U2AF2: variants seen among roughly 807,000 people sequenced by gnomAD.
U2AF2 encodes the protein U2 small nuclear RNA auxiliary factor 2.
Under a neutral mutation model 52.6 loss-of-function variants are expected in U2AF2, and 6 were observed. That is an observed-to-expected ratio of 0.11 (90% CI 0.06 to 0.23). The LOEUF (loss-of-function observed/expected upper bound fraction) is 0.23. U2AF2 is among the 10% of genes least tolerant of loss of function. The pLI is 1.00. For missense variants in U2AF2, 222 were observed against 677.1 expected (o/e 0.33, Z 7.46); for synonymous variants, 284 against 258.2 (o/e 1.10, Z -0.96).
At chr19:55,665,814 AT>A (rs1984513690) in intron 7 of U2AF2, among the ~76,000 whole-genome samples, 1 of 152,038 alleles carries the variant, frequency 6.6e-6, no homozygotes, top group African/African-American at 2.4e-5. Flanking sequence ...ACACCTGCTA[AT>A]TTTTTGTGTT....
intron 1 of U2AF2, among the ~76,000 whole-genome samples, chr19:55,658,278 G>A (rs1271434265): frequency 6.6e-6 from 1 of 152,066 alleles, no homozygotes; most frequent in African/African-American, 2.4e-5. Flanking sequence ...AAATGGTGTG[G>A]CGGTGCTCAT....
chr19:55,670,795 G>C (rs1984868900), intron 11 of U2AF2: 2 of 175,036 alleles, frequency 1.1e-5, no homozygotes, highest in Non-Finnish European at 2.4e-5. Context: ...ACGCCTGGCA[G>C]ATGGAAATGA....
At chr19:55,667,157 GCGTCAT>G (rs1469037322) in intron 7 of U2AF2, among the ~76,000 whole-genome samples, 2 of 152,176 alleles carry the variant, frequency 1.3e-5, no homozygotes, top group Non-Finnish European at 1.5e-5. Flanking sequence ...TGTGGGGGCA[GCGTCAT>G]CATGGGCTGG....
At chr19:55,661,230 C>G in intron 5 of U2AF2, 41 bp downstream of exon 5, 1 of 1,492,612 alleles carries the variant, frequency 6.7e-7, no homozygotes, top group Non-Finnish European at 9.0e-7. Context: ...CCTTGTCCCT[C>G]TACCCCGTTC....
chr19:55,659,128 A>G, intron 1 of U2AF2, 82 bp from the exon 2 acceptor site: 1 of 1,413,090 alleles, frequency 7.1e-7, no homozygotes. Flanking sequence ...GGGGCTTGGG[A>G]CATAGCCACC....
intron 7 of U2AF2, chr19:55,663,956 G>A: frequency 3.1e-6 from 2 of 635,270 alleles, no homozygotes; most frequent in Non-Finnish European, 5.2e-6. Flanking sequence ...GCTGTCACCT[G>A]CTGAGGACAC....
Position 55,659,352 on chromosome 19 carries a change from G to C in U2AF2, c.185+7G>C, listed in dbSNP as rs866219065. The stretch of plus-strand genomic sequence containing the variant: ...GGGACAGGCGACGACGCAGGTACTA[G>C]GGCTCAGGGATCCCCTGGGCCAGCC... On this transcript the variant is annotated splice_region_variant and intron_variant, in intron 2 of 11. Transcript: ENST00000308924. The C allele has an allele frequency of 4.7e-6, 7 of 1,499,594 alleles. No individual in the cohort carries two copies. In the African/African-American group the frequency reaches 8.5e-5, roughly 18 times the overall value. The allele number at this position is 1,499,594 out of a possible 1,614,324, so 92.9% of individuals were successfully genotyped here. A position where few individuals can be genotyped will look rare whatever the true frequency, so the allele number is the denominator to read the frequency against.
intron 7 of U2AF2, among the ~76,000 whole-genome samples, chr19:55,667,064 C>T (rs1028746903): frequency 1.1e-4 from 17 of 152,190 alleles, no homozygotes; most frequent in African/African-American, 3.4e-4. Context: ...CTACTTGTCC[C>T]TGTAGCATAG....
At position 55,669,273 on chromosome 19, in the gene U2AF2, A is replaced by T. The variant is rs918065620; in HGVS notation, c.1044+92A>T. 7 of 1,558,274 alleles carry T rather than the reference A, an allele frequency of 4.5e-6. No individual in the cohort carries two copies. In the East Asian group the frequency reaches 1.6e-4, roughly 36 times the overall value. On this transcript the variant is annotated intron_variant, in intron 10 of 11. Transcript: ENST00000308924. ...GTTCCTGATCTTTCTCCCAGCTTTC[A>T]TGGGAAGGCATTTGGGGGGCATTCA...
In U2AF2 at chr19:55,669,197, T is replaced by G; in HGVS notation, c.1044+16T>G. 6.2e-7 allele frequency: 1 copy of G among 1,613,126 alleles called. No homozygotes were observed. The highest frequency in any genetic ancestry group is 8.5e-7 in the Non-Finnish European group (1 of 1,179,570). On this transcript the variant is annotated intron_variant, in intron 10 of 11. Coordinates refer to ENST00000308924, the MANE Select transcript of U2AF2 (RefSeq NM_007279.3). ...GAGCCCCCCGGCACGTCATCTTCCATTGGCTTGAGGGACCCTGGGGGTGGG... is the reference window on the plus strand; with the variant it reads ...GAGCCCCCCGGCACGTCATCTTCCAGTGGCTTGAGGGACCCTGGGGGTGGG...
chr19:55,659,412 G>A lies in U2AF2; in HGVS notation c.185+67G>A. 2.8e-6 allele frequency: 4 copies of A among 1,406,114 alleles called. No homozygotes were observed. The South Asian group carries it at 4.6e-5, about 16-fold the overall frequency. The allele number at this position is 1,406,114 out of a possible 1,614,324, so 87.1% of individuals were successfully genotyped here. ...GGGGGTCGGTGTTGGCCGGCCTGTG[G>A]GTGGCCTGTGTGTGTCTGTGTCTGG... On this transcript the variant is annotated intron_variant, in intron 2 of 11. Coordinates refer to ENST00000308924, the MANE Select transcript of U2AF2 (RefSeq NM_007279.3).
chr19:55,672,729 ATTT>A (rs74179629), intron 11 of U2AF2, among the ~76,000 whole-genome samples: 5 of 141,246 alleles, frequency 3.5e-5, no homozygotes, highest in African/African-American at 2.6e-5. Flanking sequence ...TATCTCAAGA[ATTT>A]TTTTTTTTTT....
Position 55,661,205 on chromosome 19 carries a change from G to C in U2AF2, c.486+16G>C. 6.4e-7 allele frequency: 1 copy of C among 1,567,744 alleles called. No homozygotes were observed. Among genetic ancestry groups the C allele is most frequent in the Non-Finnish European group, 8.7e-7 (1 of 1,154,760 alleles). ...CATCACTGAGGTACTGCCCTCCCCTGCCCCCTACCCTCTCCCTTGTCCCTC... is the reference window on the plus strand; with the variant it reads ...CATCACTGAGGTACTGCCCTCCCCTCCCCCCTACCCTCTCCCTTGTCCCTC... On this transcript the variant is annotated intron_variant, in intron 5 of 11. Transcript: ENST00000308924.
At chr19:55,660,978 AG>A in intron 4 of U2AF2, 59 bp from the exon 5 acceptor site, 1 of 1,521,892 alleles carries the variant, frequency 6.6e-7, no homozygotes, top group Non-Finnish European at 8.9e-7. Context: ...GTGTGTGGTG[AG>A]GGGTGGTCAC....
At chr19:55,662,688 T>C (rs1169051277) in intron 6 of U2AF2, 70 bp downstream of exon 6, 5 of 1,369,058 alleles carry the variant, frequency 3.7e-6, no homozygotes. Context: ...AGGCTGATGT[T>C]GTGTGGAGCT....
intron 5 of U2AF2, chr19:55,661,659 T>C (rs901674811): frequency 1.5e-4 from 23 of 155,850 alleles, no homozygotes; most frequent in Non-Finnish European, 2.9e-4. Flanking sequence ...TGATCGCCCC[T>C]GACCTCCCCC....
At chr19:55,667,657 C>T (rs928042541) in intron 7 of U2AF2, among the ~76,000 whole-genome samples, 9 of 152,198 alleles carry the variant, frequency 5.9e-5, no homozygotes, top group Non-Finnish European at 1.0e-4. Flanking sequence ...GCTAATGCTG[C>T]GGATGCTGTT....
intron 1 of U2AF2, among the ~76,000 whole-genome samples, chr19:55,655,393 GC>G (rs2123665185): frequency 6.6e-6 from 1 of 152,306 alleles, no homozygotes; most frequent in South Asian, 2.1e-4. Flanking sequence ...CTGTCCCTGC[GC>G]CCCACGTGGT....
chr19:55,670,130 G>A (rs1984799223), intron 11 of U2AF2, among the ~76,000 whole-genome samples: 1 of 151,992 alleles, frequency 6.6e-6, no homozygotes, highest in South Asian at 2.1e-4. Context: ...CTGTGTCTGT[G>A]CTCACCCTGA....
Sources: gnomAD v4.1 joint callset for allele counts (sites outside exome capture counted in the v4.1 genomes callset) on GRCh38, gnomAD v4.1.1 for gene constraint, MANE v1.5 for transcripts, NCBI Gene and HGNC (gene_info 2026-07-23, HGNC 2026-07-21) for gene names.